RANBP2: variants seen among roughly 807,000 people sequenced by gnomAD.
RANBP2 encodes the protein E3 SUMO-protein ligase RanBP2.
A neutral mutation model predicts 303.6 loss-of-function variants in RANBP2; 57 were observed. The observed-to-expected ratio is 0.19, with a 90% CI of 0.15 to 0.23. The LOEUF (loss-of-function observed/expected upper bound fraction) is 0.23, where lower values mean the gene tolerates loss of function less well. RANBP2 is among the 10% of genes least tolerant of loss of function. RANBP2 has a pLI of 1.00. For missense variants in RANBP2, 3,138 were observed against 3,780.8 expected, an observed-to-expected ratio of 0.83 and a Z score of 4.46; for synonymous variants, 1,167 against 1,301.5, an observed-to-expected ratio of 0.90 and a Z score of 2.23.
the RANBP2 span, among the ~76,000 whole-genome samples, chr2:109,381,571 G>A: frequency 2.6e-5 from 4 of 152,010 alleles, no homozygotes; most frequent in Non-Finnish European, 4.4e-5. Flanking sequence ...GGGCTTCCAT[G>A]TTCTTGTCTT....
At chr2:108,979,474 C>T in the RANBP2 span, among the ~76,000 whole-genome samples, 1 of 126,616 alleles carries the variant, frequency 7.9e-6, no homozygotes, top group East Asian at 2.5e-4. Context: ...CTCTCACACA[C>T]ACACACACAC....
At chr2:109,477,066 T>C in the RANBP2 span, among the ~76,000 whole-genome samples, 2 of 152,214 alleles carry the variant, frequency 1.3e-5, no homozygotes, top group African/African-American at 4.8e-5. Context: ...GCCTTAACTG[T>C]CTGGGAATGC....
Position 108,755,194 on chromosome 2 carries a change from C to T in RANBP2, c.2401C>T (p.Pro801Ser). Residue 801 changes from proline to serine, a missense_variant, in exon 17 of 29, where the codon CCT (proline) becomes TCT (serine). Pro to Ser is a moderately conservative substitution (Grantham distance 74, BLOSUM62 -1). Transcript: ENST00000283195. The stretch of plus-strand genomic sequence containing the variant: ...TTTTTAGTATTCTCCCAAAACACCA[C>T]CTCGATGGGCAGAAGATCAGAATTC... ...KSYKYSPKTP[P>S]RWAEDQNSLL... 6.2e-7 allele frequency: 1 copy of T among 1,611,766 alleles called. No homozygotes were observed. The highest frequency in any genetic ancestry group is 1.1e-5 in the South Asian group (1 of 90,964).
the RANBP2 span, among the ~76,000 whole-genome samples, chr2:109,104,515 G>A: frequency 2.7e-5 from 4 of 149,750 alleles, no homozygotes; most frequent in East Asian, 2.0e-4. Flanking sequence ...ACGGAGTCTC[G>A]CTCTGTCGCC....
At position 108,740,707 on chromosome 2, in the gene RANBP2, T is replaced by G. The variant is rs767622964; in HGVS notation, c.975+26T>G. ...GTAAGTCTTCCACTTGTAGGAGCAA[T>G]TGACATTTCACTGAGTCTTGATGTG... is the stretch of plus-strand genomic sequence containing the variant. On this transcript the variant is annotated intron_variant, in intron 7 of 28. Coordinates refer to ENST00000283195, the MANE Select transcript of RANBP2 (RefSeq NM_006267.5). 1.1e-5 allele frequency: 17 copies of G among 1,597,322 alleles called. No individual in the cohort carries two copies. The African/African-American group carries it at 2.1e-4, about 20-fold the overall frequency.
At chr2:108,858,369 A>C in the RANBP2 span, among the ~76,000 whole-genome samples, 1 of 152,112 alleles carries the variant, frequency 6.6e-6, no homozygotes, top group African/African-American at 2.4e-5. Context: ...AACAAAAAAA[A>C]CACCAACGCT....
chr2:108,920,362 G>C, the RANBP2 span, among the ~76,000 whole-genome samples: 4 of 152,178 alleles, frequency 2.6e-5, no homozygotes, highest in African/African-American at 9.7e-5. Context: ...CTTCCTCTCT[G>C]TTACGGCAGG....
chr2:108,939,078 A>G, the RANBP2 span, among the ~76,000 whole-genome samples: 2 of 151,800 alleles, frequency 1.3e-5, no homozygotes, highest in African/African-American at 4.8e-5. Context: ...GTGCCTGGCC[A>G]CTCTAGGACT....
the RANBP2 span, among the ~76,000 whole-genome samples, chr2:109,641,593 A>T: frequency 6.6e-6 from 1 of 152,158 alleles, no homozygotes; most frequent in Non-Finnish European, 1.5e-5. Context: ...GCTAGGAGGA[A>T]GGGGCAAAAA....
At position 108,761,169 on chromosome 2, in the gene RANBP2, G is replaced by T. The variant is rs1433935179; in HGVS notation, c.2603-932G>T. On this transcript the variant is annotated intron_variant, in intron 18 of 28. Coordinates refer to ENST00000283195, the MANE Select transcript of RANBP2 (RefSeq NM_006267.5). ...TTTCATGCAGACAGACATCTTGCAAGACTTTAAGATTCTTGGGCCATTTCT... is the reference window on the plus strand; with the variant it reads ...TTTCATGCAGACAGACATCTTGCAATACTTTAAGATTCTTGGGCCATTTCT... 4.1e-5 allele frequency among the ~76,000 whole-genome samples: 6 copies of T among 145,042 alleles called. No homozygotes were observed. In the South Asian group the frequency reaches 6.8e-4, roughly 16 times the overall value.
chr2:109,457,339 A>G, the RANBP2 span, among the ~76,000 whole-genome samples: 4 of 152,248 alleles, frequency 2.6e-5, no homozygotes, highest in African/African-American at 9.6e-5. Flanking sequence ...TATATGAACA[A>G]TGAAGGGAAC....
chr2:109,049,479 A>G, the RANBP2 span, among the ~76,000 whole-genome samples: 1 of 152,152 alleles, frequency 6.6e-6, no homozygotes, highest in Non-Finnish European at 1.5e-5. Context: ...GAAACCTTTC[A>G]AAGAGATGAC....
the RANBP2 span, among the ~76,000 whole-genome samples, chr2:109,393,590 C>G: frequency 2.9e-4 from 44 of 152,206 alleles, 1 homozygote; most frequent in South Asian, 1.5e-3. Flanking sequence ...GTGTTGCCTT[C>G]TTGTTAAACT....
chr2:109,131,920 T>C, the RANBP2 span, among the ~76,000 whole-genome samples: 1 of 152,224 alleles, frequency 6.6e-6, no homozygotes, highest in African/African-American at 2.4e-5. Context: ...CACACTACAC[T>C]AGCACTATAC....
chr2:109,448,526 A>G, the RANBP2 span, among the ~76,000 whole-genome samples: 1 of 152,146 alleles, frequency 6.6e-6, no homozygotes, highest in Non-Finnish European at 1.5e-5. Flanking sequence ...TAGGAGAGCA[A>G]ACCTTACTCC....
chr2:108,722,179 C>G (rs555734906), intron 1 of RANBP2, among the ~76,000 whole-genome samples: 1 of 151,998 alleles, frequency 6.6e-6, no homozygotes, highest in Non-Finnish European at 1.5e-5. Flanking sequence ...AACTACATAA[C>G]TTCTCCATTA....
chr2:109,325,020 A>T, the RANBP2 span, among the ~76,000 whole-genome samples: 1 of 149,118 alleles, frequency 6.7e-6, no homozygotes, highest in African/African-American at 2.4e-5. Flanking sequence ...TGGCTTGCGT[A>T]AGAGATGTTT....
At chr2:108,964,667 G>A in the RANBP2 span, among the ~76,000 whole-genome samples, 1 of 152,220 alleles carries the variant, frequency 6.6e-6, no homozygotes, top group African/African-American at 2.4e-5. Context: ...CCAGAAAGAA[G>A]AAGTGCTGAA....
chr2:109,507,707 A>G, the RANBP2 span, among the ~76,000 whole-genome samples: 8 of 152,178 alleles, frequency 5.3e-5, no homozygotes, highest in Non-Finnish European at 8.8e-5. Flanking sequence ...CACCCAAGAA[A>G]ATGGCAGCAG....
Sources: allele counts gnomAD v4.1 joint callset (sites outside exome capture counted in the v4.1 genomes callset), GRCh38; gene constraint gnomAD v4.1.1; transcripts MANE v1.5; gene names NCBI Gene and HGNC (gene_info 2026-07-23, HGNC 2026-07-21).